NCKAP5: variants seen among roughly 807,000 people sequenced by gnomAD.
NCKAP5 encodes NCK associated protein 5, also known as nck-associated protein 5.
NCKAP5 carries 92 observed loss-of-function variants against 167.0 expected under a neutral mutation model. The ratio of observed to expected loss-of-function variants is 0.55; its 90% CI spans 0.47 to 0.66. NCKAP5 has a LOEUF of 0.66. Among genes scored for constraint, NCKAP5 ranks in the 30% least tolerant of loss-of-function variants. The pLI is 0.00. For synonymous variants in NCKAP5, 891 were observed against 877.4 expected (o/e 1.02, Z -0.27); for missense variants, 2,378 against 2,315.0 (o/e 1.03, Z -0.56).
At chr2:133,286,174 T>G (rs1484866834) in intron 4 of NCKAP5, among the ~76,000 whole-genome samples, 1 of 151,944 alleles carries the variant, frequency 6.6e-6, no homozygotes, top group Non-Finnish European at 1.5e-5. Context: ...TTTTTTTGTA[T>G]TTTTTAGTAG....
chr2:133,044,127 C>CAAATATAT (rs1285718591), intron 6 of NCKAP5, among the ~76,000 whole-genome samples: 1 of 152,070 alleles, frequency 6.6e-6, no homozygotes, highest in African/African-American at 2.4e-5. Context: ...TGTTTATTCA[C>CAAATATAT]AAATATATAA....
At chr2:133,385,561 T>C (rs1686888726) in intron 3 of NCKAP5, among the ~76,000 whole-genome samples, 1 of 151,138 alleles carries the variant, frequency 6.6e-6, no homozygotes, top group Non-Finnish European at 1.5e-5. Context: ...GCTGGCCTCA[T>C]AAAATGAGTT....
chr2:133,459,228 T>C (rs1380013550), intron 3 of NCKAP5, among the ~76,000 whole-genome samples: 7 of 152,162 alleles, frequency 4.6e-5, no homozygotes, highest in Admixed American at 3.9e-4. Context: ...CTCAAATTGA[T>C]AGAGACGGGG....
chr2:132,983,705 G>A (rs932857211), intron 7 of NCKAP5, among the ~76,000 whole-genome samples: 1 of 152,156 alleles, frequency 6.6e-6, no homozygotes, highest in East Asian at 1.9e-4. Context: ...TGACATGGGA[G>A]TCGGGAGGAG....
At chr2:132,882,048 GA>G in intron 8 of NCKAP5, among the ~76,000 whole-genome samples, 1 of 152,238 alleles carries the variant, frequency 6.6e-6, no homozygotes, top group Non-Finnish European at 1.5e-5. Flanking sequence ...TGATAATTTT[GA>G]TGTTCAAATC....
chr2:132,783,385 C>T lies in NCKAP5; in HGVS notation c.3426G>A (p.Leu1142=). 1 of 1,605,224 alleles carries T rather than the reference C, an allele frequency of 6.2e-7. No individual in the cohort carries two copies. Among genetic ancestry groups the T allele is most frequent in the Non-Finnish European group, 8.5e-7 (1 of 1,176,020 alleles). Residue 1142 remains leucine, a synonymous_variant, in exon 14 of 20, where the codon CTG becomes CTA. Transcript: ENST00000409261. ...TGAGTCCCACTGGAAGGCGAGTTTTCAGTCCTTTCTCATGAGCACTTTGAC... is the reference window on the plus strand; with the variant it reads ...TGAGTCCCACTGGAAGGCGAGTTTTTAGTCCTTTCTCATGAGCACTTTGAC... The part of the protein sequence containing the change: ...HGCQSAHEKG[L]KTRLPVGLKV...
the NCKAP5 span, among the ~76,000 whole-genome samples, chr2:133,647,613 A>G: frequency 2.2e-5 from 3 of 139,400 alleles, no homozygotes; most frequent in African/African-American, 8.1e-5. Flanking sequence ...GAGAGAGGAG[A>G]GACAGAAAGA....
intron 5 of NCKAP5, among the ~76,000 whole-genome samples, chr2:133,142,367 T>C (rs2083032566): frequency 1.3e-5 from 2 of 152,114 alleles, no homozygotes; most frequent in African/African-American, 2.4e-5. Flanking sequence ...TTACTACTAT[T>C]AATAATAGAA....
intron 11 of NCKAP5, among the ~76,000 whole-genome samples, chr2:132,850,243 G>A (rs1435824538): frequency 6.6e-6 from 1 of 152,132 alleles, no homozygotes; most frequent in Non-Finnish European, 1.5e-5. Context: ...CCACCCAAAT[G>A]TATTGAATTT....
At chr2:133,161,016 C>T (rs556437760) in intron 5 of NCKAP5, among the ~76,000 whole-genome samples, 20 of 152,232 alleles carry the variant, frequency 1.3e-4, no homozygotes, top group Non-Finnish European at 2.8e-4. Flanking sequence ...TGCAGCCAGC[C>T]AAGAGCAAGC....
In NCKAP5 at chr2:132,794,923, C is replaced by T. The variant is rs575973842; in HGVS notation, c.909+1705G>A. Among the ~76,000 whole-genome samples the T allele has an allele frequency of 2.0e-5, 3 of 152,260 alleles. No homozygotes were observed. In the South Asian group the frequency reaches 6.2e-4, roughly 32 times the overall value. On this transcript the variant is annotated intron_variant, in intron 12 of 19. Transcript: ENST00000409261. ...TTCTCAGTGATCATTTCTACCTTTG[C>T]TGTGGTTTGCTGTGGGTGCAGCATG...
At chr2:132,691,419 T>A (rs1192657920) in intron 19 of NCKAP5, among the ~76,000 whole-genome samples, 1 of 152,152 alleles carries the variant, frequency 6.6e-6, no homozygotes, top group Non-Finnish European at 1.5e-5. Context: ...CTCCACACTA[T>A]TTCTCTTCCT....
At chr2:133,586,111 G>A in the NCKAP5 span, among the ~76,000 whole-genome samples, 1 of 152,110 alleles carries the variant, frequency 6.6e-6, no homozygotes, top group Non-Finnish European at 1.5e-5. Context: ...TTAGGAGCTG[G>A]GGTTTTCAAT....
chr2:132,769,827 T>C (rs1256851089), intron 16 of NCKAP5, among the ~76,000 whole-genome samples: 1 of 152,238 alleles, frequency 6.6e-6, no homozygotes, highest in Non-Finnish European at 1.5e-5. Context: ...GCCTTCCTTA[T>C]ACTTTTGTCT....
intron 8 of NCKAP5, among the ~76,000 whole-genome samples, chr2:132,927,609 TTTTG>T (rs1391525948): frequency 6.6e-6 from 1 of 152,158 alleles, no homozygotes; most frequent in Non-Finnish European, 1.5e-5. Flanking sequence ...CCCAGGGTTC[TTTTG>T]TTTGTTTTGT....
At chr2:133,503,119 G>A (rs1057121345) in intron 3 of NCKAP5, among the ~76,000 whole-genome samples, 1 of 152,196 alleles carries the variant, frequency 6.6e-6, no homozygotes, top group Non-Finnish European at 1.5e-5. Flanking sequence ...CTGGAATAGA[G>A]CTTTACTTGG....
At chr2:132,825,176 C>T (rs896590988) in intron 11 of NCKAP5, among the ~76,000 whole-genome samples, 2 of 152,136 alleles carry the variant, frequency 1.3e-5, no homozygotes, top group Non-Finnish European at 2.9e-5. Flanking sequence ...CACAGCTATC[C>T]TCGTACTGCC....
At chr2:133,057,643 T>C (rs2149504238) in intron 6 of NCKAP5, among the ~76,000 whole-genome samples, 1 of 152,288 alleles carries the variant, frequency 6.6e-6, no homozygotes, top group South Asian at 2.1e-4. Context: ...AGAAGAAAAG[T>C]TTGAAGCTGG....
At chr2:133,379,093 A>G (rs1686348225) in intron 3 of NCKAP5, among the ~76,000 whole-genome samples, 1 of 152,190 alleles carries the variant, frequency 6.6e-6, no homozygotes, top group African/African-American at 2.4e-5. Context: ...ATAGAACTCT[A>G]TTTACATAAT....
Sources: allele counts gnomAD v4.1 joint callset (sites outside exome capture counted in the v4.1 genomes callset), GRCh38; gene constraint gnomAD v4.1.1; transcripts MANE v1.5; gene names NCBI Gene and HGNC (gene_info 2026-07-23, HGNC 2026-07-21).